Variants in JAK1 observed in about 807,000 individuals in gnomAD.
JAK1 encodes Janus kinase 1.
Under a neutral mutation model 136.6 loss-of-function variants are expected in JAK1, and 16 were observed. The ratio of observed to expected loss-of-function variants is 0.12; its 90% confidence interval spans 0.08 to 0.18. The LOEUF (loss-of-function observed/expected upper bound fraction) is 0.18, where lower values mean the gene tolerates loss of function less well. JAK1 is among the 10% of genes least tolerant of loss of function. JAK1 has a pLI of 1.00. For synonymous variants in JAK1, 492 were observed against 519.5 expected (o/e 0.95, Z 0.72); for missense variants, 859 against 1,450.1 (o/e 0.59, Z 6.62).
intron 2 of JAK1, among the ~76,000 whole-genome samples, chr1:65,035,137 C>G (rs1647061842): frequency 6.6e-6 from 1 of 152,034 alleles, no homozygotes; most frequent in African/African-American, 2.4e-5. Context: ...GAAAATACTT[C>G]AGGATTTTCT....
intron 2 of JAK1, chr1:64,985,703 G>T: frequency 1.4e-6 from 1 of 710,718 alleles, no homozygotes; most frequent in Non-Finnish European, 2.6e-6. Context: ...TGCAGAGTCT[G>T]CAGAAGAGGC....
chr1:64,900,727 AC>A (rs1320776260), intron 1 of JAK1, among the ~76,000 whole-genome samples: 1 of 152,108 alleles, frequency 6.6e-6, no homozygotes, highest in Non-Finnish European at 1.5e-5. Context: ...TTATTTCTAG[AC>A]TGCTAATCTG....
chr1:65,006,849 CAATTT>C (rs1339759993), intron 2 of JAK1, among the ~76,000 whole-genome samples: 2 of 152,116 alleles, frequency 1.3e-5, no homozygotes, highest in African/African-American at 2.4e-5. Context: ...GTAATGCACT[CAATTT>C]AATAAGCTAA....
In JAK1 at chr1:65,032,806, A is replaced by T. The variant is rs540843950; in HGVS notation, c.-78+11674T>A. On this transcript the variant is annotated intron_variant, in intron 2 of 25. Transcript: ENST00000671954. The stretch of plus-strand genomic sequence containing the variant: ...CTATGTTAGACTGCCCACCAGTGTT[A>T]TGGGGCACCTATTAGGTGCTATGAA... Among the ~76,000 whole-genome samples, 7 of 152,266 alleles carry T rather than the reference A, an allele frequency of 4.6e-5. No individual in the cohort carries two copies. In the South Asian group the frequency reaches 1.5e-3, roughly 32 times the overall value.
At chr1:64,867,298 G>A in intron 6 of JAK1, 90 bp from the exon 7 acceptor site, 1 of 916,294 alleles carries the variant, frequency 1.1e-6, no homozygotes, top group South Asian at 1.7e-5. Context: ...GAATCCACAT[G>A]TTGCCAAATG....
At chr1:64,977,937 T>G (rs1646511734) in intron 2 of JAK1, among the ~76,000 whole-genome samples, 1 of 147,824 alleles carries the variant, frequency 6.8e-6, no homozygotes, top group Non-Finnish European at 1.5e-5. Context: ...ATGTCCACTT[T>G]GTAGAATTAT....
At chr1:65,031,934 G>T (rs571852582) in intron 2 of JAK1, among the ~76,000 whole-genome samples, 1 of 151,574 alleles carries the variant, frequency 6.6e-6, no homozygotes, top group African/African-American at 2.4e-5. Context: ...TAACCTAGGG[G>T]CTGGAAAAAC....
chr1:64,946,682 T>C (rs1158865731), intron 1 of JAK1, among the ~76,000 whole-genome samples: 1 of 152,152 alleles, frequency 6.6e-6, no homozygotes, highest in African/African-American at 2.4e-5. Flanking sequence ...AAGATGAACA[T>C]AGTTTCAAAT....
At chr1:64,837,680 T>C (rs997053353) in intron 22 of JAK1, among the ~76,000 whole-genome samples, 1 of 152,162 alleles carries the variant, frequency 6.6e-6, no homozygotes, top group Non-Finnish European at 1.5e-5. Flanking sequence ...GAGCTGGTGG[T>C]TAGATTTCTT....
chr1:64,880,807 C>A (rs937113852), intron 3 of JAK1, among the ~76,000 whole-genome samples: 2 of 151,970 alleles, frequency 1.3e-5, no homozygotes, highest in African/African-American at 2.4e-5. Context: ...CACAGCCAGG[C>A]GTGGTGGTGT....
At chr1:64,898,736 G>A (rs1645062388) in intron 1 of JAK1, among the ~76,000 whole-genome samples, 1 of 152,172 alleles carries the variant, frequency 6.6e-6, no homozygotes, top group Non-Finnish European at 1.5e-5. Context: ...ACAGTCTCCA[G>A]GAGCTTGCAT....
chr1:64,998,970 C>T (rs970981872), intron 2 of JAK1, among the ~76,000 whole-genome samples: 1 of 152,202 alleles, frequency 6.6e-6, no homozygotes, highest in Non-Finnish European at 1.5e-5. Flanking sequence ...ATAACTACAG[C>T]ACTTAAGTAT....
chr1:64,986,085 G>A, intron 2 of JAK1: 1 of 985,292 alleles, frequency 1.0e-6, no homozygotes, highest in East Asian at 2.9e-5. Context: ...GACCTTCTAT[G>A]TCCCCCATGG....
At chr1:64,878,584 T>C (rs1448469737) in intron 4 of JAK1, among the ~76,000 whole-genome samples, 2 of 61,172 alleles carry the variant, frequency 3.3e-5, no homozygotes, top group South Asian at 4.3e-4. Flanking sequence ...TATATATATA[T>C]ATATATATAT....
upstream of JAK1, among the ~76,000 whole-genome samples, chr1:64,968,972 T>C (rs922839353): frequency 1.4e-5 from 2 of 142,598 alleles, no homozygotes; most frequent in Non-Finnish European, 3.0e-5. Context: ...TAGCTGGGCA[T>C]GGTGGCACAT....
intron 8 of JAK1, among the ~76,000 whole-genome samples, chr1:64,860,549 G>T (rs1438531525): frequency 6.6e-6 from 1 of 151,810 alleles, no homozygotes; most frequent in Admixed American, 6.6e-5. Flanking sequence ...CGCCTCCTGG[G>T]TCCAAGCGAT....
chr1:64,886,836 A>G (rs1447758577), intron 1 of JAK1, among the ~76,000 whole-genome samples: 2 of 151,760 alleles, frequency 1.3e-5, no homozygotes, highest in African/African-American at 2.4e-5. Context: ...GCTTCTCACA[A>G]ATTCTTTAAC....
At chr1:64,938,458 T>C (rs1437689158) in intron 1 of JAK1, among the ~76,000 whole-genome samples, 3 of 152,202 alleles carry the variant, frequency 2.0e-5, no homozygotes, top group South Asian at 2.1e-4. Context: ...TTCCATGTTA[T>C]TACATGAACT....
chr1:64,892,634 T>G (rs1400433251), intron 1 of JAK1, among the ~76,000 whole-genome samples: 1 of 152,236 alleles, frequency 6.6e-6, no homozygotes, highest in African/African-American at 2.4e-5. Flanking sequence ...CTGAAGCACT[T>G]GTGCCATCAC....
Sources: gnomAD v4.1 joint callset for allele counts (sites outside exome capture counted in the v4.1 genomes callset) on GRCh38, gnomAD v4.1.1 for gene constraint, MANE v1.5 for transcripts, NCBI Gene and HGNC (gene_info 2026-07-23, HGNC 2026-07-21) for gene names.